The following ANKDD1B variants were observed in gnomAD, a reference collection of about 807,000 sequenced individuals.
ANKDD1B encodes ankyrin repeat and death domain-containing protein 1B.
In ANKDD1B, 57 loss-of-function variants were observed where a neutral mutation model predicts 59.7. The observed-to-expected ratio is 0.95, with a 90% CI of 0.77 to 1.19. The LOEUF is 1.19. ANKDD1B is among the 50% of genes most tolerant of loss of function. ANKDD1B has a pLI of 0.00. For synonymous variants in ANKDD1B, 216 were observed against 239.5 expected (o/e 0.90, Z 0.91); for missense variants, 602 against 641.9 (o/e 0.94, Z 0.67).
rs1391923579 is a variant in ANKDD1B at position 75,635,886 on chromosome 5, T to A, written c.798+4T>A. 1 of 1,511,822 alleles carries A rather than the reference T, an allele frequency of 6.6e-7. No individual in the cohort carries two copies. Among genetic ancestry groups the A allele is most frequent in the Non-Finnish European group, 8.9e-7 (1 of 1,126,484 alleles). 93.7% of individuals were successfully genotyped at this position (1,511,822 alleles called of 1,614,324 possible). Reference sequence around the variant, plus strand: ...AGACATAAATGAGATGAATGAGGTATGTGGAAGTGCTCGTTATTGCCATAG... The same window carrying A: ...AGACATAAATGAGATGAATGAGGTAAGTGGAAGTGCTCGTTATTGCCATAG... On this transcript the variant is annotated splice_donor_region_variant and intron_variant, in intron 7 of 13. Transcript: ENST00000601380.
chr5:75,668,621 A>G (rs1474375621), intron 12 of ANKDD1B, among the ~76,000 whole-genome samples: 3 of 152,202 alleles, frequency 2.0e-5, no homozygotes, highest in Non-Finnish European at 2.9e-5. Context: ...CCTGTAGTGA[A>G]GTCCTGTTGG....
At chr5:75,615,809 T>C (rs1049221062) in intron 1 of ANKDD1B, among the ~76,000 whole-genome samples, 1 of 152,032 alleles carries the variant, frequency 6.6e-6, no homozygotes, top group Non-Finnish European at 1.5e-5. Context: ...TCTCCAAATA[T>C]AGTCAACATT....
chr5:75,635,069 T>C (rs1774263527), intron 6 of ANKDD1B, 73 bp downstream of exon 6: 2 of 989,236 alleles, frequency 2.0e-6, no homozygotes, highest in African/African-American at 1.6e-5. Flanking sequence ...GGGGTAACAA[T>C]TGGCATGTAG....
chr5:75,659,451 G>A (rs1775060188), intron 10 of ANKDD1B, 70 bp downstream of exon 10: 2 of 1,087,316 alleles, frequency 1.8e-6, no homozygotes, highest in Non-Finnish European at 2.7e-6. Context: ...TGTCAGCCTT[G>A]AGCAGCGTTA....
At chr5:75,625,143 T>A (rs1038142735) in intron 3 of ANKDD1B, among the ~76,000 whole-genome samples, 1 of 152,160 alleles carries the variant, frequency 6.6e-6, no homozygotes, top group African/African-American at 2.4e-5. Flanking sequence ...TTAATTCTGA[T>A]AGATATTGCC....
Position 75,625,931 on chromosome 5 carries a change from C to T in ANKDD1B, c.576C>T (p.Leu192=), listed in dbSNP as rs912383228. 7.8e-6 allele frequency: 12 copies of T among 1,535,928 alleles called. No individual in the cohort carries two copies. The highest frequency in any genetic ancestry group is 1.0e-5 in the Non-Finnish European group (12 of 1,146,832). ...IVEYLIQDLH[L]KDLNQPDEKG... is the part of the protein sequence containing the mutation. ...AGTATCTTATTCAAGATCTGCACCT[C>T]AAGGACCTGAACCAGCCTGATGAGG... Residue 192 remains leucine (L), a synonymous_variant, in exon 5 of 14, where the codon CTC becomes CTT. Transcript: ENST00000601380.
At chr5:75,613,356 C>A (rs1773621377) in intron 1 of ANKDD1B, among the ~76,000 whole-genome samples, 1 of 152,010 alleles carries the variant, frequency 6.6e-6, no homozygotes, top group South Asian at 2.1e-4. Flanking sequence ...ATTAAGTGAT[C>A]TAGAGGAAAG....
intron 7 of ANKDD1B, among the ~76,000 whole-genome samples, chr5:75,642,471 A>G (rs1774500638): frequency 7.2e-6 from 1 of 139,660 alleles, no homozygotes; most frequent in South Asian, 2.5e-4. Context: ...TTTCCGAGTC[A>G]AAGAAAGGGG....
chr5:75,652,202 A>G (rs961366181), intron 7 of ANKDD1B, among the ~76,000 whole-genome samples: 1 of 152,204 alleles, frequency 6.6e-6, no homozygotes, highest in Non-Finnish European at 1.5e-5. Flanking sequence ...GTCAACAACG[A>G]ATTACCTAAT....
At chr5:75,614,783 A>G (rs1773671427) in intron 1 of ANKDD1B, among the ~76,000 whole-genome samples, 1 of 152,196 alleles carries the variant, frequency 6.6e-6, no homozygotes, top group African/African-American at 2.4e-5. Context: ...GAACACTAGC[A>G]ATGTCTACTA....
rs1561451289 is a variant in ANKDD1B, at chr5:75,663,473, A to G, written c.1175A>G (p.Tyr392Cys). 2 of 1,536,372 alleles carry G rather than the reference A, an allele frequency of 1.3e-6. No homozygotes were observed. Among genetic ancestry groups the G allele is most frequent in the Non-Finnish European group, 1.7e-6 (2 of 1,146,898 alleles). ...GGCATGCTCATTAAAGCAGAGAGAT[A>G]CTACGCCTGGAGAGAGGTAAGGAAG... is the stretch of plus-strand genomic sequence containing the variant. ...VVGMLIKAER[Y>C]YAWREEHHES... Residue 392 changes from tyrosine (Y) to cysteine (C), a missense_variant, in exon 11 of 14, where the codon TAC (tyrosine) becomes TGC (cysteine). Around this residue, in one of 3 missense-constraint regions of ANKDD1B, gnomAD observed 280 missense variants for 319.8 expected, o/e 0.88. Coordinates refer to ENST00000601380, the MANE Select transcript of ANKDD1B (RefSeq NM_001276713.2).
At chr5:75,621,573 G>T (rs186960149) in intron 3 of ANKDD1B, among the ~76,000 whole-genome samples, 7 of 152,064 alleles carry the variant, frequency 4.6e-5, no homozygotes, top group Non-Finnish European at 8.8e-5. Context: ...AGAGTGGACT[G>T]TGCTTACTTC....
chr5:75,625,831 C>A lies in ANKDD1B; in HGVS notation c.496-20C>A. On this transcript the variant is annotated intron_variant, in intron 4 of 13. Coordinates refer to ENST00000601380, the MANE Select transcript of ANKDD1B (RefSeq NM_001276713.2). ...GTTCTGAGGTCACTGTCTATCTCCC[C>A]CACCCCTGGTTCTCTTCAGGATGGA... 6.5e-7 allele frequency: 1 copy of A among 1,532,224 alleles called. No individual in the cohort carries two copies. The allele number at this position is 1,532,224 out of a possible 1,614,324, so 94.9% of individuals were successfully genotyped here.
intron 7 of ANKDD1B, among the ~76,000 whole-genome samples, chr5:75,648,561 G>A (rs1463702162): frequency 6.6e-6 from 1 of 152,120 alleles, no homozygotes. Flanking sequence ...GCTCCATATT[G>A]CCCCTGTCCT....
chr5:75,648,267 TAAAAA>T (rs57389631), intron 7 of ANKDD1B, among the ~76,000 whole-genome samples: 26 of 87,400 alleles, frequency 3.0e-4, no homozygotes, highest in Non-Finnish European at 5.9e-4. Context: ...AAAAAAAAAT[TAAAAA>T]AAAAAAAAAA....
intron 1 of ANKDD1B, among the ~76,000 whole-genome samples, chr5:75,613,310 C>T (rs995242542): frequency 2.0e-5 from 3 of 152,106 alleles, no homozygotes; most frequent in African/African-American, 7.2e-5. Context: ...TATGGCATCT[C>T]AGTATTTTTT....
Position 75,663,502 on chromosome 5 carries a change from G to A in ANKDD1B, c.1191+13G>A, listed in dbSNP as rs1367117007. 7.8e-6 allele frequency: 12 copies of A among 1,531,570 alleles called. No individual in the cohort carries two copies. Among genetic ancestry groups the A allele is most frequent in the African/African-American group, 1.4e-5 (1 of 73,044 alleles). The allele number at this position is 1,531,570 out of a possible 1,614,324, so 94.9% of individuals were successfully genotyped here. A position where few individuals can be genotyped will look rare whatever the true frequency, so the allele number is the denominator to read the frequency against. The stretch of plus-strand genomic sequence containing the variant: ...CGCCTGGAGAGAGGTAAGGAAGGAC[G>A]ATCCCAGCACAGCAGGGGCTTTCCT... On this transcript the variant is annotated intron_variant, in intron 11 of 13. Coordinates refer to ENST00000601380, the MANE Select transcript of ANKDD1B (RefSeq NM_001276713.2).
chr5:75,616,853 G>A lies in ANKDD1B; in HGVS notation c.243G>A (p.Leu81=). The A allele has an allele frequency of 6.5e-7, 1 of 1,532,862 alleles. No individual in the cohort carries two copies. Among genetic ancestry groups the A allele is most frequent in the Non-Finnish European group, 8.7e-7 (1 of 1,144,242 alleles). The allele number at this position is 1,532,862 out of a possible 1,614,324, so 95.0% of individuals were successfully genotyped here. A position where few individuals can be genotyped will look rare whatever the true frequency, so the allele number is the denominator to read the frequency against. The change falls in exon 2 of 14, where the codon TTG becomes TTA. Residue 81 remains leucine (L), a synonymous_variant. Coordinates refer to ENST00000601380, the MANE Select transcript of ANKDD1B (RefSeq NM_001276713.2). ...SFQNAAKSNN[L]DLMEKLFEKK... is the part of the protein sequence containing the mutation. ...AGAATGCTGCTAAAAGCAATAATTT[G>A]GATCTTATGGAGAAGCTGTTTGAAA...
rs144659135 is a variant in ANKDD1B, at chr5:75,636,445, T to C, written c.798+563T>C. On this transcript the variant is annotated intron_variant, in intron 7 of 13. Coordinates refer to ENST00000601380, the MANE Select transcript of ANKDD1B (RefSeq NM_001276713.2). ...GGGTGGCAGAAATTGAGGATAGGAG[T>C]GCTGGGAAAGCTGGAAGCTTAGTGG... 4.8e-4 allele frequency among the ~76,000 whole-genome samples: 73 copies of C among 151,676 alleles called. 1 individual carries two copies. The East Asian group carries it at 0.01, about 22-fold the overall frequency.
Sources: gnomAD v4.1 joint callset for allele counts (sites outside exome capture counted in the v4.1 genomes callset) on GRCh38, gnomAD v4.1.1 for gene constraint, gnomAD v4.1.1 regional missense constraint, MANE v1.5 for transcripts, NCBI Gene and HGNC (gene_info 2026-07-23, HGNC 2026-07-21) for gene names.